The following CCSER2 variants were observed in gnomAD, a reference collection of about 807,000 sequenced individuals.
CCSER2 encodes the protein coiled-coil serine rich protein 2, also known as serine-rich coiled-coil domain-containing protein 2.
Under a neutral mutation model 92.3 loss-of-function variants are expected in CCSER2, and 46 were observed. That is an observed-to-expected ratio of 0.50 (90% CI 0.39 to 0.64). CCSER2 has a LOEUF of 0.64. CCSER2 is among the 30% of genes least tolerant of loss of function. The pLI, the probability that CCSER2 is intolerant of heterozygous loss-of-function variation, is 0.00. For missense variants in CCSER2, 1,244 were observed against 1,238.9 expected (o/e 1.00, Z -0.06); for synonymous variants, 433 against 431.4 (o/e 1.00, Z -0.04).
intron 8 of CCSER2, among the ~76,000 whole-genome samples, chr10:84,475,718 T>TA (rs1847098531): frequency 6.6e-6 from 1 of 152,234 alleles, no homozygotes; most frequent in South Asian, 2.1e-4. Context: ...GTGTTTTCGT[T>TA]ACGATAGTGT....
chr10:84,468,022 C>T (rs1368740891), intron 7 of CCSER2, among the ~76,000 whole-genome samples: 1 of 152,138 alleles, frequency 6.6e-6, no homozygotes, highest in Admixed American at 6.5e-5. Context: ...TCTGTCACTC[C>T]CTAGCTAAGG....
At chr10:84,433,758 T>C (rs934749619) in intron 5 of CCSER2, among the ~76,000 whole-genome samples, 3 of 152,226 alleles carry the variant, frequency 2.0e-5, no homozygotes, top group Admixed American at 1.3e-4. Context: ...AAGATTCTTT[T>C]CTCTAGTTTG....
chr10:84,453,179 T>C (rs1589705181), intron 6 of CCSER2, among the ~76,000 whole-genome samples: 1 of 152,034 alleles, frequency 6.6e-6, no homozygotes, highest in South Asian at 2.1e-4. Flanking sequence ...TTTTCAAAAA[T>C]AATGACTTGG....
At chr10:84,364,931 A>G (rs972023623) in intron 1 of CCSER2, among the ~76,000 whole-genome samples, 5 of 151,918 alleles carry the variant, frequency 3.3e-5, no homozygotes, top group African/African-American at 1.2e-4. Context: ...TGGCAGAGAC[A>G]GGGTCTCACC....
intron 9 of CCSER2, among the ~76,000 whole-genome samples, chr10:84,496,430 C>T (rs572840635): frequency 5.3e-5 from 8 of 152,250 alleles, no homozygotes; most frequent in South Asian, 2.1e-4. Flanking sequence ...GGACTACAGG[C>T]GCCCGCCACC....
At chr10:84,375,165 C>G (rs183200689) in intron 3 of CCSER2, among the ~76,000 whole-genome samples, 7 of 152,246 alleles carry the variant, frequency 4.6e-5, no homozygotes, top group Admixed American at 1.3e-4. Flanking sequence ...CACCTTGATT[C>G]AGTTCATTGT....
chr10:84,389,438 G>T, intron 3 of CCSER2: 1 of 448,460 alleles, frequency 2.2e-6, no homozygotes. Flanking sequence ...AGAGGGAGAA[G>T]GTACCACGTC....
At chr10:84,339,875 C>G (rs1170765812) in intron 1 of CCSER2, among the ~76,000 whole-genome samples, 2 of 152,056 alleles carry the variant, frequency 1.3e-5, no homozygotes, top group African/African-American at 4.8e-5. Flanking sequence ...GAGTTTCACT[C>G]TTGTCGCCCA....
At chr10:84,392,174 C>T in intron 3 of CCSER2, 1 of 542,524 alleles carries the variant, frequency 1.8e-6, no homozygotes, top group South Asian at 1.9e-5. Context: ...GAATACACTA[C>T]AATCTCAACC....
intron 1 of CCSER2, among the ~76,000 whole-genome samples, chr10:84,341,385 A>G (rs1229117886): frequency 5.1e-5 from 5 of 98,910 alleles, no homozygotes; most frequent in African/African-American, 1.4e-4. Flanking sequence ...GAGTTTTGCT[A>G]TCTTGCCTGG....
intron 1 of CCSER2, among the ~76,000 whole-genome samples, chr10:84,348,171 T>C (rs1046209165): frequency 4.2e-4 from 64 of 152,288 alleles, no homozygotes; most frequent in African/African-American, 1.2e-3. Context: ...ACATTGAGCA[T>C]TGAGTGAAGG....
chr10:84,366,710 G>A (rs1240878962), intron 1 of CCSER2, among the ~76,000 whole-genome samples: 1 of 152,182 alleles, frequency 6.6e-6, no homozygotes, highest in African/African-American at 2.4e-5. Flanking sequence ...ACAAGGATAA[G>A]GTAGAATCAA....
intron 3 of CCSER2, among the ~76,000 whole-genome samples, chr10:84,383,450 ACAGGTGCCCGCCACCATACC>A (rs1841022506): frequency 6.6e-6 from 1 of 152,076 alleles, no homozygotes; most frequent in East Asian, 1.9e-4. Context: ...AGCTGGGACT[ACAGGTGCCCGCCACCATACC>A]TGGCTGATTT....
intron 3 of CCSER2, among the ~76,000 whole-genome samples, chr10:84,387,814 C>T (rs1841305449): frequency 6.6e-6 from 1 of 151,392 alleles, no homozygotes; most frequent in Non-Finnish European, 1.5e-5. Flanking sequence ...AGGTGTGAGC[C>T]ACCGCGCCCG....
At chr10:84,455,493 C>A in intron 6 of CCSER2, 1 of 304,118 alleles carries the variant, frequency 3.3e-6, no homozygotes, top group Non-Finnish European at 6.3e-6. Flanking sequence ...CCAGGCTGGT[C>A]TCAAACTCCT....
intron 6 of CCSER2, among the ~76,000 whole-genome samples, chr10:84,458,256 G>A (rs775774984): frequency 3.0e-4 from 45 of 152,208 alleles, no homozygotes; most frequent in Non-Finnish European, 4.7e-4. Flanking sequence ...TTTTTATCAC[G>A]TGTATGTTCA....
At chr10:84,436,353 A>AAAAGG (rs59522717) in intron 5 of CCSER2, among the ~76,000 whole-genome samples, 1 of 96,572 alleles carries the variant, frequency 1.0e-5, no homozygotes, top group African/African-American at 3.8e-5. Flanking sequence ...AAAAAAAAAA[A>AAAAGG]TGCCGGGCGC....
chr10:84,362,811 GTATTTTATTT>G lies in CCSER2; in HGVS notation c.-39-8190_-39-8181del, dbSNP rs1351693863. Among the ~76,000 whole-genome samples, 20 of 151,720 alleles carry G rather than the reference GTATTTTATTT, an allele frequency of 1.3e-4. No homozygotes were observed. The East Asian group carries it at 3.5e-3, about 26-fold the overall frequency. On this transcript the variant is annotated intron_variant, in intron 1 of 9. Coordinates refer to ENST00000372088, the MANE Select transcript of CCSER2 (RefSeq NM_001284240.2). Reference sequence around the variant, plus strand: ...GTTGTCATTTTTGCTTATTTAATTGGTATTTTATTTTATTTTATTTTAATTTATTTTATTT... The same window carrying G: ...GTTGTCATTTTTGCTTATTTAATTGGTATTTTATTTTAATTTATTTTATTT...
chr10:84,412,155 AT>A (rs1842685168), intron 3 of CCSER2, among the ~76,000 whole-genome samples: 1 of 151,616 alleles, frequency 6.6e-6, no homozygotes, highest in African/African-American at 2.4e-5. Flanking sequence ...TCCCAGGTGG[AT>A]AAGCTTTTTG....
Sources: allele counts gnomAD v4.1 joint callset (sites outside exome capture counted in the v4.1 genomes callset), GRCh38; gene constraint gnomAD v4.1.1; transcripts MANE v1.5; gene names NCBI Gene and HGNC (gene_info 2026-07-23, HGNC 2026-07-21).